Variants in PPM1L observed in about 807,000 individuals in gnomAD.
PPM1L encodes protein phosphatase 1L.
PPM1L carries 13 observed loss-of-function variants against 31.4 expected under a neutral mutation model. The ratio of observed to expected loss-of-function variants is 0.41; its 90% CI spans 0.27 to 0.66. PPM1L has a LOEUF of 0.66. Among genes scored for constraint, PPM1L ranks in the 30% least tolerant of loss-of-function variants. PPM1L has a pLI of 0.29. For missense variants in PPM1L, 326 were observed against 453.7 expected (o/e 0.72, Z 2.56); for synonymous variants, 184 against 175.4 (o/e 1.05, Z -0.39).
At chr3:160,880,767 A>C (rs1185107100) in intron 1 of PPM1L, among the ~76,000 whole-genome samples, 1 of 152,152 alleles carries the variant, frequency 6.6e-6, no homozygotes, top group Non-Finnish European at 1.5e-5. Context: ...TTTAACACTG[A>C]CCCAATCAAA....
At chr3:160,930,638 T>C (rs543964602) in intron 1 of PPM1L, among the ~76,000 whole-genome samples, 7 of 152,294 alleles carry the variant, frequency 4.6e-5, no homozygotes, top group African/African-American at 1.7e-4. Flanking sequence ...ATGACCAGGC[T>C]GAAGCCTCAA....
At chr3:160,904,911 T>C (rs1713690863) in intron 1 of PPM1L, among the ~76,000 whole-genome samples, 1 of 152,194 alleles carries the variant, frequency 6.6e-6, no homozygotes, top group African/African-American at 2.4e-5. Flanking sequence ...CTCAGTTATA[T>C]TGGTTGCCTT....
intron 2 of PPM1L, among the ~76,000 whole-genome samples, chr3:161,041,708 A>G (rs1271797704): frequency 6.6e-6 from 1 of 152,192 alleles, no homozygotes; most frequent in Non-Finnish European, 1.5e-5. Context: ...AGATCACACC[A>G]CTGCACTCCA....
intron 1 of PPM1L, among the ~76,000 whole-genome samples, chr3:160,840,322 A>G (rs931375959): frequency 7.2e-5 from 11 of 152,182 alleles, no homozygotes; most frequent in Non-Finnish European, 7.3e-5. Flanking sequence ...ATTGGGTTTC[A>G]TAAGACCTAC....
chr3:160,976,852 G>T (rs1382005763), intron 2 of PPM1L, among the ~76,000 whole-genome samples: 1 of 152,088 alleles, frequency 6.6e-6, no homozygotes, highest in Non-Finnish European at 1.5e-5. Context: ...TTTTTGAAGG[G>T]TTTTTTGTGT....
intron 1 of PPM1L, among the ~76,000 whole-genome samples, chr3:160,794,330 T>A (rs1267479499): frequency 2.0e-5 from 3 of 152,302 alleles, no homozygotes; most frequent in East Asian, 3.9e-4. Flanking sequence ...AAAAGGGCAT[T>A]CTGAGTTGGT....
chr3:160,774,491 C>CT (rs972429318), intron 1 of PPM1L, among the ~76,000 whole-genome samples: 3 of 152,044 alleles, frequency 2.0e-5, no homozygotes, highest in Non-Finnish European at 4.4e-5. Flanking sequence ...TATATTGTTT[C>CT]TTTTTTTAAA....
chr3:160,778,394 A>G (rs1711623324), intron 1 of PPM1L, among the ~76,000 whole-genome samples: 1 of 152,172 alleles, frequency 6.6e-6, no homozygotes, highest in Non-Finnish European at 1.5e-5. Flanking sequence ...GGCTAGTACA[A>G]GGAACTCCTG....
At chr3:161,047,780 C>T (rs539687182) in intron 2 of PPM1L, among the ~76,000 whole-genome samples, 6 of 152,242 alleles carry the variant, frequency 3.9e-5, no homozygotes, top group Admixed American at 3.9e-4. Context: ...AGAAATAATA[C>T]CACACATCTA....
At chr3:161,044,205 A>G (rs1718990796) in intron 2 of PPM1L, among the ~76,000 whole-genome samples, 1 of 151,950 alleles carries the variant, frequency 6.6e-6, no homozygotes, top group East Asian at 2.0e-4. Context: ...ACGCCCAGCT[A>G]ATTTTTGTAT....
chr3:161,049,176 G>C (rs1719186612), intron 2 of PPM1L, among the ~76,000 whole-genome samples: 1 of 151,886 alleles, frequency 6.6e-6, no homozygotes, highest in Admixed American at 6.6e-5. Context: ...TACCTGGGAA[G>C]CTGGGGTGGG....
intron 2 of PPM1L, among the ~76,000 whole-genome samples, chr3:161,049,680 G>T (rs1396236043): frequency 6.6e-6 from 1 of 152,206 alleles, no homozygotes; most frequent in Non-Finnish European, 1.5e-5. Context: ...TTGTGAAACT[G>T]GATAAGGTCA....
chr3:160,907,293 G>A (rs1051685954), intron 1 of PPM1L, among the ~76,000 whole-genome samples: 1 of 152,106 alleles, frequency 6.6e-6, no homozygotes, highest in Non-Finnish European at 1.5e-5. Context: ...AAATAGTTTA[G>A]GATGAAGATT....
intron 1 of PPM1L, among the ~76,000 whole-genome samples, chr3:160,887,848 ATTATAGGCGTGAGCCACTG>A (rs1712975456): frequency 6.6e-6 from 1 of 152,090 alleles, no homozygotes; most frequent in South Asian, 2.1e-4. Flanking sequence ...AAGTGCTGGG[ATTATAGGCGTGAGCCACTG>A]TGCCCAGCCT....
intron 1 of PPM1L, among the ~76,000 whole-genome samples, chr3:160,808,282 T>C (rs1712667252): frequency 6.8e-6 from 1 of 147,986 alleles, no homozygotes; most frequent in Non-Finnish European, 1.5e-5. Flanking sequence ...TTTGCCAGGA[T>C]TTTCCTCTGT....
chr3:160,918,905 CA>C (rs1714287005), intron 1 of PPM1L, among the ~76,000 whole-genome samples: 1 of 151,846 alleles, frequency 6.6e-6, no homozygotes, highest in South Asian at 2.1e-4. Flanking sequence ...CATTAAAGTT[CA>C]AAAATGCCAT....
chr3:160,849,329 A>G (rs1026491250), intron 1 of PPM1L, among the ~76,000 whole-genome samples: 2 of 152,080 alleles, frequency 1.3e-5, no homozygotes, highest in Admixed American at 1.3e-4. Context: ...CTTCTTTCAC[A>G]TTCAGCATTC....
At chr3:160,958,741 G>A (rs1350810948) in intron 1 of PPM1L, among the ~76,000 whole-genome samples, 2 of 152,178 alleles carry the variant, frequency 1.3e-5, no homozygotes, top group African/African-American at 4.8e-5. Context: ...AACAGAGTTA[G>A]GAAATATAAA....
In PPM1L at chr3:160,779,423, GATA is replaced by G. The variant is rs377661535; in HGVS notation, c.399+22720_399+22722del. Among the ~76,000 whole-genome samples the G allele has an allele frequency of 3.7e-3, 562 of 152,264 alleles. 7 individuals carry two copies. Among genetic ancestry groups the G allele is most frequent in the African/African-American group, 0.013 (538 of 41,554 alleles). On this transcript the variant is annotated intron_variant, in intron 1 of 3. Transcript: ENST00000498165. ...TTAGTGTCTTCTTCTTTGCTAGGGGGATAATATCTGCTTCACTGAGTGGTGAGG... is the reference window on the plus strand; with the variant it reads ...TTAGTGTCTTCTTCTTTGCTAGGGGGATATCTGCTTCACTGAGTGGTGAGG...
Sources: gnomAD v4.1 joint callset for allele counts (sites outside exome capture counted in the v4.1 genomes callset) on GRCh38, gnomAD v4.1.1 for gene constraint, MANE v1.5 for transcripts, NCBI Gene and HGNC (gene_info 2026-07-23, HGNC 2026-07-21) for gene names.